The following KTN1 variants were observed in gnomAD, a reference collection of about 807,000 sequenced individuals.
The protein encoded by KTN1 is kinectin.
Under a neutral mutation model 222.5 loss-of-function variants are expected in KTN1, and 130 were observed. The observed-to-expected ratio is 0.58, with a 90% CI of 0.51 to 0.68. KTN1 has a LOEUF of 0.68. Ranked by LOEUF, KTN1 falls within the 30% of genes least tolerant of loss-of-function variation. The pLI is 0.00. For synonymous variants in KTN1, 512 were observed against 496.3 expected (o/e 1.03, Z -0.42); for missense variants, 1,508 against 1,500.4 (o/e 1.01, Z -0.08).
Position 55,634,665 on chromosome 14 carries a change from T to C in KTN1, c.1461+7T>C, listed in dbSNP as rs369034250. The C allele has an allele frequency of 8.6e-5, 138 of 1,602,644 alleles. No individual in the cohort carries two copies. The highest frequency in any genetic ancestry group is 1.1e-4 in the Non-Finnish European group (135 of 1,174,752). ...AGCAGCTACTCAGTTGAAGGTGATA[T>C]ATTCTCACCTTTATTTGTCATTTCA... On this transcript the variant is annotated splice_region_variant and intron_variant, in intron 9 of 43. Coordinates refer to ENST00000395314, the MANE Select transcript of KTN1 (RefSeq NM_001079521.2).
intron 1 of KTN1, 62 bp from the exon 2 acceptor site, chr14:55,611,957 T>G (rs2037640296): frequency 2.6e-6 from 2 of 770,282 alleles, no homozygotes; most frequent in Non-Finnish European, 3.8e-6. Flanking sequence ...GTTTTGACTT[T>G]AATTTTTATG....
At chr14:55,628,453 C>T (rs1328858356) in intron 6 of KTN1, among the ~76,000 whole-genome samples, 1 of 152,162 alleles carries the variant, frequency 6.6e-6, no homozygotes, top group Non-Finnish European at 1.5e-5. Flanking sequence ...TCAAGTTCTT[C>T]ACATCTCAGA....
intron 33 of KTN1, among the ~76,000 whole-genome samples, chr14:55,665,551 G>A (rs1229512306): frequency 1.3e-5 from 2 of 151,962 alleles, no homozygotes; most frequent in African/African-American, 2.4e-5. Context: ...AAATTATGTT[G>A]TGATGAAAAG....
At chr14:55,663,914 A>G (rs982867061) in intron 32 of KTN1, 41 bp from the exon 33 acceptor site, 13 of 1,489,238 alleles carry the variant, frequency 8.7e-6, no homozygotes, top group Middle Eastern at 1.7e-4. Context: ...AAATCTTTCA[A>G]TAATGGATAA....
chr14:55,636,310 T>C (rs186859451), intron 9 of KTN1, 139 bp from the exon 10 acceptor site: 12 of 614,276 alleles, frequency 2.0e-5, no homozygotes, highest in Admixed American at 8.7e-5. Flanking sequence ...GCTTGTCTTA[T>C]TGAAATGTAG....
intron 18 of KTN1, among the ~76,000 whole-genome samples, chr14:55,642,773 C>T (rs1490844403): frequency 6.6e-6 from 1 of 152,074 alleles, no homozygotes; most frequent in Non-Finnish European, 1.5e-5. Flanking sequence ...TCTACCTCCC[C>T]GTATGATATT....
chr14:55,666,128 A>C (rs536042461), intron 33 of KTN1, among the ~76,000 whole-genome samples: 2 of 152,136 alleles, frequency 1.3e-5, no homozygotes, highest in East Asian at 3.9e-4. Flanking sequence ...ATATCCTATT[A>C]AAACACCTAT....
intron 35 of KTN1, among the ~76,000 whole-genome samples, chr14:55,671,057 A>G (rs556304549): frequency 1.6e-4 from 25 of 152,258 alleles, no homozygotes; most frequent in Admixed American, 1.4e-3. Flanking sequence ...TCTAAAATTG[A>G]ATATTTATCC....
chr14:55,648,913 T>TACA, intron 21 of KTN1, 43 bp downstream of exon 21: 1 of 1,262,646 alleles, frequency 7.9e-7, no homozygotes, highest in Non-Finnish European at 1.1e-6. Flanking sequence ...CTGTGTTTTT[T>TACA]GTTTGTTTGT....
At chr14:55,652,589 CGG>C (rs1374197739) in intron 25 of KTN1, among the ~76,000 whole-genome samples, 1 of 151,772 alleles carries the variant, frequency 6.6e-6, no homozygotes, top group Admixed American at 6.6e-5. Flanking sequence ...TTAGTAGAGA[CGG>C]GGTTTCACCG....
intron 31 of KTN1, among the ~76,000 whole-genome samples, chr14:55,660,994 C>T (rs1164883571): frequency 6.6e-6 from 1 of 152,138 alleles, no homozygotes; most frequent in Non-Finnish European, 1.5e-5. Flanking sequence ...TTTGCCATTG[C>T]CTTCTGCGTT....
At chr14:55,621,976 G>A (rs2039204792) in intron 5 of KTN1, among the ~76,000 whole-genome samples, 1 of 151,232 alleles carries the variant, frequency 6.6e-6, no homozygotes, top group African/African-American at 2.4e-5. Flanking sequence ...AGCTTCCAGA[G>A]TAGCTGGGAT....
chr14:55,653,648 T>C, intron 28 of KTN1, 52 bp downstream of exon 28: 2 of 1,349,584 alleles, frequency 1.5e-6, no homozygotes, highest in Non-Finnish European at 2.1e-6. Context: ...TCTCATTATT[T>C]TCCAGGGTGT....
chr14:55,648,886 A>G lies in KTN1; in HGVS notation c.2367+16A>G, dbSNP rs759827610. Reference sequence around the variant, plus strand: ...AAATGATCAGGTAATGTAAATTTTTACAACTGTTCTTTGTCTCTGTGTTTT... The same window carrying G: ...AAATGATCAGGTAATGTAAATTTTTGCAACTGTTCTTTGTCTCTGTGTTTT... On this transcript the variant is annotated intron_variant, in intron 21 of 43. Transcript: ENST00000395314. The G allele has an allele frequency of 1.3e-5, 19 of 1,474,020 alleles. No homozygotes were observed. Among genetic ancestry groups the G allele is most frequent in the Non-Finnish European group, 1.7e-5 (18 of 1,060,014 alleles). 91.3% of individuals were successfully genotyped at this position (1,474,020 alleles called of 1,614,324 possible). A position where few individuals can be genotyped will look rare whatever the true frequency, so the allele number is the denominator to read the frequency against.
chr14:55,628,099 C>A, intron 6 of KTN1, 71 bp downstream of exon 6: 1 of 927,062 alleles, frequency 1.1e-6, no homozygotes. Context: ...AGAAATTGTC[C>A]ATAATCAGTA....
chr14:55,611,019 A>AT (rs1229630940), intron 1 of KTN1, among the ~76,000 whole-genome samples: 1 of 152,248 alleles, frequency 6.6e-6, no homozygotes, highest in Non-Finnish European at 1.5e-5. Context: ...CTTTTGCTGT[A>AT]TAACTTGTTT....
At chr14:55,582,150 A>T (rs1339921952) in intron 1 of KTN1, among the ~76,000 whole-genome samples, 1 of 152,210 alleles carries the variant, frequency 6.6e-6, no homozygotes, top group Non-Finnish European at 1.5e-5. Context: ...CTTGAAAATT[A>T]TAAAGAATAT....
At position 55,608,429 on chromosome 14, in the gene KTN1, C is replaced by G. The variant is rs2037056906; in HGVS notation, c.-30-3590C>G. ...ATGATTCTGGCACAACTCCTTAGTA[C>G]TGAACTTGCATACATAAAATGTTTT... is the stretch of plus-strand genomic sequence containing the variant. On this transcript the variant is annotated intron_variant, in intron 1 of 43. Transcript: ENST00000395314. 2.0e-5 allele frequency among the ~76,000 whole-genome samples: 3 copies of G among 152,274 alleles called. No homozygotes were observed. In the South Asian group the frequency reaches 6.2e-4, roughly 32 times the overall value.
At chr14:55,646,824 T>A (rs558878837) in intron 18 of KTN1, 149 bp from the exon 19 acceptor site, 5 of 598,096 alleles carry the variant, frequency 8.4e-6, no homozygotes, top group African/African-American at 3.8e-5. Flanking sequence ...CTGAATTTTT[T>A]AATTATCAAG....
Sources: allele counts gnomAD v4.1 joint callset (sites outside exome capture counted in the v4.1 genomes callset), GRCh38; gene constraint gnomAD v4.1.1; transcripts MANE v1.5; gene names NCBI Gene and HGNC (gene_info 2026-07-23, HGNC 2026-07-21).